Variants in RPS6KC1 observed in about 807,000 individuals in gnomAD.
RPS6KC1 encodes the protein inactive ribosomal protein S6 kinase delta-1.
Under a neutral mutation model 103.8 loss-of-function variants are expected in RPS6KC1, and 54 were observed. That is an observed-to-expected ratio of 0.52 (90% CI 0.42 to 0.65). The LOEUF (loss-of-function observed/expected upper bound fraction) is 0.65. RPS6KC1 is among the 30% of genes least tolerant of loss of function. The pLI, the probability that RPS6KC1 is intolerant of heterozygous loss-of-function variation, is 0.00. For synonymous variants in RPS6KC1, 439 were observed against 438.7 expected (o/e 1.00, Z -0.01); for missense variants, 1,151 against 1,253.8 (o/e 0.92, Z 1.24).
the RPS6KC1 span, among the ~76,000 whole-genome samples, chr1:213,478,144 T>C: frequency 0.05 from 7,564 of 152,226 alleles, 607 homozygotes; most frequent in African/African-American, 0.17. Flanking sequence ...TAGCTTCTTT[T>C]ACTTAGTTAT....
At chr1:213,636,858 A>G in the RPS6KC1 span, among the ~76,000 whole-genome samples, 8 of 152,214 alleles carry the variant, frequency 5.3e-5, no homozygotes, top group Admixed American at 1.3e-4. Context: ...AATTTTTGCA[A>G]TCTACTCATC....
the RPS6KC1 span, chr1:213,843,385 A>C: frequency 2.0e-5 from 3 of 152,178 alleles, no homozygotes; most frequent in Non-Finnish European, 4.4e-5. Flanking sequence ...GTTGGCTAAG[A>C]GACATTTTTG....
chr1:213,630,446 T>A, the RPS6KC1 span, among the ~76,000 whole-genome samples: 1 of 152,242 alleles, frequency 6.6e-6, no homozygotes, highest in East Asian at 1.9e-4. Context: ...CTTTAAGGAC[T>A]TCTCTGCATT....
At chr1:213,363,699 TTTCC>T in the RPS6KC1 span, among the ~76,000 whole-genome samples, 533 of 96,382 alleles carry the variant, frequency 5.5e-3, 31 homozygotes, top group East Asian at 0.038. Context: ...TCTTTCTTTC[TTTCC>T]TTCTTTCTTT....
At chr1:213,563,344 A>T in the RPS6KC1 span, among the ~76,000 whole-genome samples, 175 of 151,890 alleles carry the variant, frequency 1.2e-3, 1 homozygote, top group African/African-American at 4.1e-3. Context: ...TTATGCTGCT[A>T]TATTTTGGCT....
intron 8 of RPS6KC1, among the ~76,000 whole-genome samples, chr1:213,226,309 A>G (rs1005058599): frequency 1.4e-4 from 21 of 152,114 alleles, no homozygotes; most frequent in African/African-American, 4.3e-4. Context: ...CAGATGTTCA[A>G]CAGATATTTA....
intron 4 of RPS6KC1, among the ~76,000 whole-genome samples, chr1:213,114,660 T>G (rs2083390615): frequency 6.6e-6 from 1 of 151,900 alleles, no homozygotes; most frequent in East Asian, 1.9e-4. Context: ...TGCTTCCAGT[T>G]TTTGCCCATT....
At chr1:213,839,519 T>C in the RPS6KC1 span, among the ~76,000 whole-genome samples, 14 of 152,328 alleles carry the variant, frequency 9.2e-5, no homozygotes, top group Non-Finnish European at 1.8e-4. Flanking sequence ...CATTATGGGT[T>C]CTCACAAGTT....
intron 8 of RPS6KC1, among the ~76,000 whole-genome samples, chr1:213,204,956 T>C (rs2093293164): frequency 6.6e-6 from 1 of 152,064 alleles, no homozygotes; most frequent in African/African-American, 2.4e-5. Flanking sequence ...CTTAAATCAG[T>C]TTGGTTGTTT....
the RPS6KC1 span, among the ~76,000 whole-genome samples, chr1:213,713,599 G>T: frequency 6.6e-6 from 1 of 152,106 alleles, no homozygotes; most frequent in African/African-American, 2.4e-5. Flanking sequence ...GGTCCCTGTG[G>T]GTGGGTAGGG....
chr1:213,060,944 C>T (rs183392801), intron 1 of RPS6KC1, among the ~76,000 whole-genome samples: 21 of 151,944 alleles, frequency 1.4e-4, no homozygotes, highest in Admixed American at 4.6e-4. Context: ...TTCTTTCCCA[C>T]AGTTCTGAAG....
chr1:213,652,208 A>C, the RPS6KC1 span, among the ~76,000 whole-genome samples: 10 of 152,228 alleles, frequency 6.6e-5, no homozygotes, highest in African/African-American at 2.4e-4. Context: ...TAATACTAAT[A>C]GCTAGCCTCT....
chr1:213,612,997 C>G, the RPS6KC1 span, among the ~76,000 whole-genome samples: 2 of 152,216 alleles, frequency 1.3e-5, no homozygotes, highest in Non-Finnish European at 2.9e-5. Flanking sequence ...GATGGTGACT[C>G]TCATCGCTTT....
the RPS6KC1 span, among the ~76,000 whole-genome samples, chr1:213,523,011 C>T: frequency 6.6e-6 from 1 of 152,174 alleles, no homozygotes; most frequent in Non-Finnish European, 1.5e-5. Flanking sequence ...TTTTGACATG[C>T]CTTCCTTACT....
chr1:213,189,396 C>G (rs1447633812), intron 8 of RPS6KC1, among the ~76,000 whole-genome samples: 3 of 149,432 alleles, frequency 2.0e-5, no homozygotes, highest in Non-Finnish European at 1.5e-5. Context: ...TTGCAGTGAG[C>G]CGAGATCATG....
chr1:213,068,582 C>G (rs181045229), intron 1 of RPS6KC1, among the ~76,000 whole-genome samples: 24 of 148,764 alleles, frequency 1.6e-4, no homozygotes, highest in African/African-American at 5.7e-4. Flanking sequence ...TGTGAGGGGA[C>G]AGGCTGGTAT....
chr1:213,235,339 T>C (rs2094198927), intron 10 of RPS6KC1, among the ~76,000 whole-genome samples: 1 of 152,168 alleles, frequency 6.6e-6, no homozygotes, highest in East Asian at 1.9e-4. Flanking sequence ...GCATGGAGCT[T>C]ACATTACATT....
chr1:213,806,193 G>A, the RPS6KC1 span, among the ~76,000 whole-genome samples: 9 of 152,260 alleles, frequency 5.9e-5, no homozygotes, highest in East Asian at 5.8e-4. Flanking sequence ...TTAGCCAGGC[G>A]TGGTGGTGGG....
At chr1:213,092,281 C>T (rs2081040195) in intron 3 of RPS6KC1, among the ~76,000 whole-genome samples, 1 of 152,158 alleles carries the variant, frequency 6.6e-6, no homozygotes, top group African/African-American at 2.4e-5. Flanking sequence ...GCATTATATT[C>T]AGTAGAAGAA....
Sources: allele counts gnomAD v4.1 joint callset (sites outside exome capture counted in the v4.1 genomes callset), GRCh38; gene constraint gnomAD v4.1.1; transcripts MANE v1.5; gene names NCBI Gene and HGNC (gene_info 2026-07-23, HGNC 2026-07-21).